ZBED3: variants seen among roughly 807,000 people sequenced by gnomAD.
ZBED3 encodes the protein zinc finger BED domain-containing protein 3.
For missense variants in ZBED3, 388 were observed against 362.9 expected, an observed-to-expected ratio of 1.07 and a Z score of -0.56; for synonymous variants, 175 against 180.0, an observed-to-expected ratio of 0.97 and a Z score of 0.22.
At chr5:77,079,156 C>T (rs1369383268) in intron 1 of ZBED3, 1 of 152,134 alleles carries the variant, frequency 6.6e-6, no homozygotes, top group Non-Finnish European at 1.5e-5. Flanking sequence ...TCACAAAGGA[C>T]CAAATGTGTG....
At position 77,077,530 on chromosome 5, in the gene ZBED3, G is replaced by C; in HGVS notation, c.349C>G (p.Pro117Ala). The C allele has an allele frequency of 1.7e-6, 2 of 1,210,914 alleles. No individual in the cohort carries two copies. The highest frequency in any genetic ancestry group is 7.9e-5 in the South Asian group (2 of 25,306). 75.0% of individuals were successfully genotyped at this position (1,210,914 alleles called of 1,614,324 possible). A position where few individuals can be genotyped will look rare whatever the true frequency, so the allele number is the denominator to read the frequency against. ...GGGGCCGCAGCGGGGCCGGGCGGCGGCGGGCAGGGCGCGGCAGGTGGGGAG... is the reference window on the plus strand; with the variant it reads ...GGGGCCGCAGCGGGGCCGGGCGGCGCCGGGCAGGGCGCGGCAGGTGGGGAG... ...GSSPPAAPCPPPPGPAAAPEG... is the reference protein window; with the variant it reads ...GSSPPAAPCPAPPGPAAAPEG... The change falls in exon 3 of 3, where the codon CCG (proline) becomes GCG (alanine). Residue 117 changes from proline to alanine, a missense_variant. Physicochemically the swap from Pro to Ala is conservative, Grantham distance 27. Transcript: ENST00000255198.
chr5:77,077,120 G>C lies in ZBED3; in HGVS notation c.*54C>G. ...GCTTCGGTCCCAGCGGGGTCTGAAG[G>C]CATTGGCATTGGACGGAGAAGCGCT... On this transcript the variant is annotated 3_prime_UTR_variant, in exon 3 of 3. Transcript: ENST00000255198. 7.9e-7 allele frequency: 1 copy of C among 1,271,456 alleles called. No homozygotes were observed. Among genetic ancestry groups the C allele is most frequent in the Non-Finnish European group, 1.0e-6 (1 of 992,704 alleles). 78.8% of individuals were successfully genotyped at this position (1,271,456 alleles called of 1,614,324 possible). A position where few individuals can be genotyped will look rare whatever the true frequency, so the allele number is the denominator to read the frequency against.
intron 1 of ZBED3, among the ~76,000 whole-genome samples, chr5:77,080,107 CAA>C (rs1340867763): frequency 6.6e-6 from 1 of 152,160 alleles, no homozygotes; most frequent in Admixed American, 6.5e-5. Context: ...CCTATAACAT[CAA>C]GAGTATTGCT....
intron 1 of ZBED3, chr5:77,080,372 T>C (rs1166446653): frequency 7.5e-5 from 32 of 426,138 alleles, no homozygotes; most frequent in South Asian, 5.5e-4. Context: ...AGCACTGACT[T>C]CGATGTCTTA....
chr5:77,087,207 C>A lies in ZBED3; in HGVS notation c.-249G>T, dbSNP rs190364464. ...CGCCTCGCTGACATTTTGTCCCGGA[C>A]GGAAAACCTCCGCGCGTGCCCCTTA... is the stretch of plus-strand genomic sequence containing the variant. On this transcript the variant is annotated 5_prime_UTR_variant, in exon 1 of 3. Coordinates refer to ENST00000255198, the MANE Select transcript of ZBED3 (RefSeq NM_032367.4). 3.3e-5 allele frequency: 5 copies of A among 152,272 alleles called. No individual in the cohort carries two copies. The highest frequency in any genetic ancestry group is 1.3e-4 in the Admixed American group (2 of 15,284). The allele number at this position is 152,272 out of a possible 1,614,324, so 9.4% of individuals were successfully genotyped here.
In ZBED3 at chr5:77,076,002, T is replaced by C. The variant is rs1452481021; in HGVS notation, c.*1172A>G. 6 of 51,790 alleles carry C rather than the reference T, an allele frequency of 1.2e-4. 1 individual carries two copies. The highest frequency in any genetic ancestry group is 2.6e-4 in the African/African-American group (4 of 15,546). 3.2% of individuals were successfully genotyped at this position (51,790 alleles called of 1,614,324 possible). On this transcript the variant is annotated 3_prime_UTR_variant, in exon 3 of 3. Transcript: ENST00000255198. ...ATATGTATATATATATGTATATATGTATATATATATGTATATATGTATATA... is the reference window on the plus strand; with the variant it reads ...ATATGTATATATATATGTATATATGCATATATATATGTATATATGTATATA...
intron 1 of ZBED3, 65 bp from the exon 2 acceptor site, chr5:77,078,793 A>G (rs2150741090): frequency 6.6e-6 from 1 of 152,342 alleles, no homozygotes; most frequent in South Asian, 2.1e-4. Context: ...CCTTAAAGAC[A>G]GATACTAGAA....
intron 1 of ZBED3, among the ~76,000 whole-genome samples, chr5:77,082,343 C>A (rs1204111673): frequency 2.0e-5 from 3 of 150,070 alleles, no homozygotes; most frequent in Non-Finnish European, 4.4e-5. Flanking sequence ...CACCAATAAA[C>A]ACAGTCTTGT....
intron 2 of ZBED3, 53 bp from the exon 3 acceptor site, chr5:77,077,948 C>CAGCACACAGT: frequency 8.5e-7 from 1 of 1,182,494 alleles, no homozygotes; most frequent in African/African-American, 1.6e-5. Context: ...CACACAGCTC[C>CAGCACACAGT]TAGACTACAG....
rs1336864532 is a variant in ZBED3, at chr5:77,077,041, C to CAGTT, written c.*129_*132dup. On this transcript the variant is annotated 3_prime_UTR_variant, in exon 3 of 3. Transcript: ENST00000255198. ...AAGCCTTAGGGTGTGGAAGATCCTA[C>CAGTT]AGTTAGCTGGAGCTTCCGAGTGAGT... 6 of 618,298 alleles carry CAGTT rather than the reference C, an allele frequency of 9.7e-6. No homozygotes were observed. Among genetic ancestry groups the CAGTT allele is most frequent in the Non-Finnish European group, 1.4e-5 (6 of 420,832 alleles). The allele number at this position is 618,298 out of a possible 1,614,324, so 38.3% of individuals were successfully genotyped here.
In ZBED3 at chr5:77,077,395, G is replaced by C; in HGVS notation, c.484C>G (p.Arg162Gly). 2 of 1,249,006 alleles carry C rather than the reference G, an allele frequency of 1.6e-6. No individual in the cohort carries two copies. The highest frequency in any genetic ancestry group is 2.0e-6 in the Non-Finnish European group (2 of 996,446). 77.4% of individuals were successfully genotyped at this position (1,249,006 alleles called of 1,614,324 possible). Residue 162 changes from arginine (R) to glycine (G), a missense_variant, in exon 3 of 3, where the codon CGC becomes GGC. By Grantham distance (125) the Arg-to-Gly change is moderately radical. Transcript: ENST00000255198. ...GCCCTCCGCCTCCGCTCCAGGGCGC[G>C]CTCGCCCTGCTCCACGGCCAGCTCG... ...RRELAVEQGE[R>G]ALERRRRALQ...
chr5:77,072,274 A>G lies in ZBED3; in HGVS notation c.*4900T>C, dbSNP rs1418842129. ...CATGCTGCCTTTACTTAACCTTAAT[A>G]TACCACTATCAAGACCAATTTATGA... On this transcript the variant is annotated 3_prime_UTR_variant, in exon 3 of 3. Transcript: ENST00000255198. The G allele has an allele frequency of 1.3e-5, 2 of 152,226 alleles. No homozygotes were observed. The highest frequency in any genetic ancestry group is 1.3e-4 in the Admixed American group (2 of 15,282). 9.4% of individuals were successfully genotyped at this position (152,226 alleles called of 1,614,324 possible).
Position 77,077,450 on chromosome 5 carries a change from G to A in ZBED3, c.429C>T (p.Gly143=). ...LEQMGALAVR[G]SRRERELERR... ...GCTCCAGCTCCCGCTCCCGCCGGCT[G>A]CCGCGCACGGCCAGCGCGCCCATCT... The change falls in exon 3 of 3, where the codon GGC becomes GGT. Residue 143 remains glycine, a synonymous_variant. Coordinates refer to ENST00000255198, the MANE Select transcript of ZBED3 (RefSeq NM_032367.4). The A allele has an allele frequency of 1.7e-6, 2 of 1,209,428 alleles. No individual in the cohort carries two copies. The highest frequency in any genetic ancestry group is 1.0e-6 in the Non-Finnish European group (1 of 973,196). The allele number at this position is 1,209,428 out of a possible 1,614,324, so 74.9% of individuals were successfully genotyped here.
chr5:77,075,816 G>A lies in ZBED3; in HGVS notation c.*1358C>T, dbSNP rs1742963912. ...ACCAAGAGAGCAATTTCAAGGGAGAGATTAAGCAAAATGAAGGCTGCAAAT... is the reference window on the plus strand; with the variant it reads ...ACCAAGAGAGCAATTTCAAGGGAGAAATTAAGCAAAATGAAGGCTGCAAAT... On this transcript the variant is annotated 3_prime_UTR_variant, in exon 3 of 3. Transcript: ENST00000255198. 1 of 150,818 alleles carries A rather than the reference G, an allele frequency of 6.6e-6. No individual in the cohort carries two copies. The highest frequency in any genetic ancestry group is 1.5e-5 in the Non-Finnish European group (1 of 67,734). 9.3% of individuals were successfully genotyped at this position (150,818 alleles called of 1,614,324 possible).
At chr5:77,083,521 G>A (rs1743173963) in intron 1 of ZBED3, among the ~76,000 whole-genome samples, 3 of 152,188 alleles carry the variant, frequency 2.0e-5, no homozygotes, top group Admixed American at 6.5e-5. Flanking sequence ...AAGATTATTT[G>A]CCTCTAAACA....
At chr5:77,079,285 A>G (rs1052138138) in intron 1 of ZBED3, 3 of 152,280 alleles carry the variant, frequency 2.0e-5, no homozygotes, top group African/African-American at 7.2e-5. Context: ...ACCCAGGCAC[A>G]GTGAGATCAA....
intron 1 of ZBED3, among the ~76,000 whole-genome samples, chr5:77,084,839 A>C (rs1743205781): frequency 6.6e-6 from 1 of 152,240 alleles, no homozygotes; most frequent in African/African-American, 2.4e-5. Flanking sequence ...CCAGTTCCTC[A>C]GTTGTATAAC....
chr5:77,077,596 T>C lies in ZBED3; in HGVS notation c.283A>G (p.Ser95Gly). ...GTSALWRHLRSAHRRELESSG... is the reference protein window; with the variant it reads ...GTSALWRHLRGAHRRELESSG... ...CTCTCCAGCTCCCGCCGGTGCGCGC[T>C]CCTCAGGTGCCTCCACAACGCCGAG... Residue 95 changes from serine to glycine, a missense_variant, in exon 3 of 3, where the codon AGC becomes GGC. Physicochemically the swap from Ser to Gly is moderately conservative, Grantham distance 56. Transcript: ENST00000255198. 1.5e-6 allele frequency: 2 copies of C among 1,366,724 alleles called. No individual in the cohort carries two copies. The highest frequency in any genetic ancestry group is 1.9e-6 in the Non-Finnish European group (2 of 1,057,672). The allele number at this position is 1,366,724 out of a possible 1,614,324, so 84.7% of individuals were successfully genotyped here.
chr5:77,073,981 G>A lies in ZBED3; in HGVS notation c.*3193C>T, dbSNP rs987688077. 6.6e-6 allele frequency: 1 copy of A among 152,182 alleles called. No individual in the cohort carries two copies. The highest frequency in any genetic ancestry group is 6.5e-5 in the Admixed American group (1 of 15,278). 9.4% of individuals were successfully genotyped at this position (152,182 alleles called of 1,614,324 possible). On this transcript the variant is annotated 3_prime_UTR_variant, in exon 3 of 3. Transcript: ENST00000255198. ...AGTAAGAAATGTCTTGACATGAGGA[G>A]AAATCAAGGAAAGCATGGTTTTAGA...
Sources: allele counts gnomAD v4.1 joint callset (sites outside exome capture counted in the v4.1 genomes callset), GRCh38; gene constraint gnomAD v4.1.1; transcripts MANE v1.5; gene names NCBI Gene and HGNC (gene_info 2026-07-23, HGNC 2026-07-21).